Variants in CRISP2 observed in about 807,000 individuals in gnomAD.
The protein encoded by CRISP2 is cysteine rich secretory protein 2, also known as cysteine-rich secretory protein 2.
CRISP2 carries 29 observed loss-of-function variants against 31.7 expected under a neutral mutation model. That is an observed-to-expected ratio of 0.92 (90% CI 0.68 to 1.25). The LOEUF is 1.25. CRISP2 is among the 50% of genes most tolerant of loss of function. The pLI, the probability that CRISP2 is intolerant of heterozygous loss-of-function variation, is 0.00. For synonymous variants in CRISP2, 111 were observed against 101.4 expected (o/e 1.09, Z -0.57); for missense variants, 318 against 286.5 (o/e 1.11, Z -0.79).
intron 1 of CRISP2, 133 bp from the exon 2 acceptor site, chr6:49,712,737 A>C (rs1233878848): frequency 2.0e-5 from 3 of 152,178 alleles, no homozygotes; most frequent in Non-Finnish European, 4.4e-5. Context: ...TACTGTATTT[A>C]TTTGATTTCA....
chr6:49,677,230 A>G, the CRISP2 span, among the ~76,000 whole-genome samples: 2 of 152,162 alleles, frequency 1.3e-5, no homozygotes, highest in South Asian at 2.1e-4. Flanking sequence ...TGTTGATCAA[A>G]TGTATTGTGA....
intron 4 of CRISP2, among the ~76,000 whole-genome samples, chr6:49,705,054 G>T (rs1395639448): frequency 6.6e-6 from 1 of 152,126 alleles, no homozygotes; most frequent in Non-Finnish European, 1.5e-5. Flanking sequence ...CAGGTGATGG[G>T]TAGGGCTATA....
At chr6:49,683,380 A>G in the CRISP2 span, among the ~76,000 whole-genome samples, 2 of 151,534 alleles carry the variant, frequency 1.3e-5, no homozygotes. Context: ...TGGGTTTTTA[A>G]TATAATAGAA....
intron 4 of CRISP2, among the ~76,000 whole-genome samples, chr6:49,702,199 A>G (rs1387769298): frequency 8.1e-6 from 1 of 123,146 alleles, no homozygotes; most frequent in African/African-American, 3.0e-5. Context: ...TTCTTTATCC[A>G]CTCATTGATT....
intron 3 of CRISP2, among the ~76,000 whole-genome samples, chr6:49,710,361 G>A (rs1392606393): frequency 1.3e-5 from 2 of 152,104 alleles, no homozygotes; most frequent in Admixed American, 6.6e-5. Context: ...ATTAACCTAT[G>A]CCAATGCTAC....
rs114974767 is a variant in CRISP2, at chr6:49,699,856, C to A, written c.219G>T (p.Arg73Ser). 2,729 of 1,612,660 alleles carry A rather than the reference C, an allele frequency of 1.7e-3. 21 individuals carry two copies. In the African/African-American group the frequency reaches 0.018, roughly 10 times the overall value. ...WSREVTTNAQ[R>S]WANKCTLQHS... is the part of the protein sequence containing the mutation. ...GTTGTAAAGTGCACTTGTTTGCCCACCTTTGGGCATTCGTTGTTACCTCTC... is the reference window on the plus strand; with the variant it reads ...GTTGTAAAGTGCACTTGTTTGCCCAACTTTGGGCATTCGTTGTTACCTCTC... The change falls in exon 6 of 10, where the codon AGG (arginine) becomes AGT (serine). Residue 73 changes from arginine to serine, a missense_variant. Coordinates refer to ENST00000339139, the MANE Select transcript of CRISP2 (RefSeq NM_003296.4).
chr6:49,706,447 C>A (rs2127427665), intron 4 of CRISP2, among the ~76,000 whole-genome samples: 1 of 152,168 alleles, frequency 6.6e-6, no homozygotes, highest in East Asian at 1.9e-4. Flanking sequence ...GACTTTGTTC[C>A]TTTTAGTAAC....
chr6:49,698,652 C>T, intron 6 of CRISP2, 145 bp from the exon 7 acceptor site: 6 of 807,546 alleles, frequency 7.4e-6, no homozygotes, highest in South Asian at 7.3e-5. Context: ...TGCCTCAGTT[C>T]CTTATCAGCT....
At chr6:49,689,964 G>C (rs1763997139), downstream of CRISP2, among the ~76,000 whole-genome samples, 1 of 151,926 alleles carries the variant, frequency 6.6e-6, no homozygotes, top group Non-Finnish European at 1.5e-5. Context: ...GTTTATAAGA[G>C]CATCTTCTAT....
intron 4 of CRISP2, among the ~76,000 whole-genome samples, chr6:49,705,740 T>G (rs142197341): frequency 2.0e-5 from 3 of 152,284 alleles, no homozygotes; most frequent in African/African-American, 7.2e-5. Flanking sequence ...TCTTTTTTAT[T>G]TTGCATGGCT....
chr6:49,708,634 G>T (rs1767472451), intron 4 of CRISP2, among the ~76,000 whole-genome samples: 1 of 152,162 alleles, frequency 6.6e-6, no homozygotes, highest in Admixed American at 6.5e-5. Context: ...AGGGAGCTCA[G>T]CCCAGGAGAT....
rs12624 is a variant in CRISP2, at chr6:49,692,705, A to T, written c.*68T>A. The T allele has an allele frequency of 1.1e-4, 155 of 1,430,862 alleles. No individual in the cohort carries two copies. Among genetic ancestry groups the T allele is most frequent in the Non-Finnish European group, 1.3e-4 (142 of 1,059,122 alleles). The allele number at this position is 1,430,862 out of a possible 1,614,324, so 88.6% of individuals were successfully genotyped here. On this transcript the variant is annotated 3_prime_UTR_variant, in exon 10 of 10. Coordinates refer to ENST00000339139, the MANE Select transcript of CRISP2 (RefSeq NM_003296.4). ...TGTCACTAACATACATACAATTTCC[A>T]CTGGTATGTCGCAATTAAATGATGC... is the stretch of plus-strand genomic sequence containing the variant.
the CRISP2 span, among the ~76,000 whole-genome samples, chr6:49,684,636 T>G: frequency 6.6e-6 from 1 of 152,192 alleles, no homozygotes; most frequent in Non-Finnish European, 1.5e-5. Flanking sequence ...ATACTTAACT[T>G]AAAAAAGAAA....
At chr6:49,696,975 C>T (rs912578963) in intron 8 of CRISP2, among the ~76,000 whole-genome samples, 2 of 152,114 alleles carry the variant, frequency 1.3e-5, no homozygotes, top group African/African-American at 4.8e-5. Flanking sequence ...ATACATTCTC[C>T]CAGGGCCTTT....
At chr6:49,686,909 T>C in the CRISP2 span, among the ~76,000 whole-genome samples, 2 of 152,172 alleles carry the variant, frequency 1.3e-5, no homozygotes, top group Non-Finnish European at 2.9e-5. Flanking sequence ...TGTAGGGACA[T>C]GGATGAAGCT....
intron 4 of CRISP2, among the ~76,000 whole-genome samples, chr6:49,708,108 T>C (rs1322441038): frequency 6.6e-6 from 1 of 152,126 alleles, no homozygotes; most frequent in African/African-American, 2.4e-5. Flanking sequence ...TTTAATATTA[T>C]ATAAGTATAT....
rs377127579 is a variant in CRISP2, at chr6:49,699,840, T to G, written c.235A>C (p.Thr79Pro). Reference sequence around the variant, plus strand: ...TCCTCTGGATCACTATGTTGTAAAGTGCACTTGTTTGCCCACCTTTGGGCA... The same window carrying G: ...TCCTCTGGATCACTATGTTGTAAAGGGCACTTGTTTGCCCACCTTTGGGCA... Reference protein sequence around the residue: ...TNAQRWANKCTLQHSDPEDRK... With the variant: ...TNAQRWANKCPLQHSDPEDRK... Residue 79 changes from threonine to proline, a missense_variant, in exon 6 of 10, where the codon ACT becomes CCT. Thr to Pro is a conservative substitution (Grantham distance 38). Coordinates refer to ENST00000339139, the MANE Select transcript of CRISP2 (RefSeq NM_003296.4). 1 of 1,612,572 alleles carries G rather than the reference T, an allele frequency of 6.2e-7. No homozygotes were observed. Among genetic ancestry groups the G allele is most frequent in the African/African-American group, 1.3e-5 (1 of 74,888 alleles).
the CRISP2 span, among the ~76,000 whole-genome samples, chr6:49,682,847 C>T: frequency 2.0e-5 from 3 of 150,620 alleles, no homozygotes; most frequent in East Asian, 3.9e-4. Flanking sequence ...TCCCTTCCTC[C>T]CTTCTTTTCT....
chr6:49,699,237 T>C (rs889006201), intron 6 of CRISP2, among the ~76,000 whole-genome samples: 15 of 151,910 alleles, frequency 9.9e-5, no homozygotes, highest in African/African-American at 3.6e-4. Context: ...TAAAAATTAA[T>C]ATATTAATAT....
Sources: gnomAD v4.1 joint callset for allele counts (sites outside exome capture counted in the v4.1 genomes callset) on GRCh38, gnomAD v4.1.1 for gene constraint, MANE v1.5 for transcripts, NCBI Gene and HGNC (gene_info 2026-07-23, HGNC 2026-07-21) for gene names.